PDLIM5: variants seen among roughly 807,000 people sequenced by gnomAD.
PDLIM5 encodes PDZ and LIM domain protein 5.
In PDLIM5, 34 loss-of-function variants were observed where a neutral mutation model predicts 64.2. The ratio of observed to expected loss-of-function variants is 0.53; its 90% CI spans 0.40 to 0.71. The LOEUF is 0.71. PDLIM5 is among the 30% of genes least tolerant of loss of function. The pLI is 0.00. For missense variants in PDLIM5, 683 were observed against 733.6 expected (o/e 0.93, Z 0.80); for synonymous variants, 253 against 269.1 (o/e 0.94, Z 0.59).
At chr4:94,550,605 A>G (rs1369345066) in intron 3 of PDLIM5, among the ~76,000 whole-genome samples, 5 of 152,132 alleles carry the variant, frequency 3.3e-5, no homozygotes, top group Non-Finnish European at 5.9e-5. Flanking sequence ...CACACCACAG[A>G]TTGACTTAAG....
intron 11 of PDLIM5, among the ~76,000 whole-genome samples, chr4:94,658,890 T>TTTTGTTTG (rs200941910): frequency 5.9e-5 from 9 of 152,072 alleles, no homozygotes; most frequent in African/African-American, 2.2e-4. Flanking sequence ...AAGGGCTGGG[T>TTTTGTTTG]TTTGTTTGTT....
At chr4:94,474,204 A>G (rs1210957486) in intron 2 of PDLIM5, among the ~76,000 whole-genome samples, 1 of 152,158 alleles carries the variant, frequency 6.6e-6, no homozygotes. Context: ...CTTTGGTGTC[A>G]TTCAGTGGAT....
chr4:94,556,080 G>A lies in PDLIM5; in HGVS notation c.249-17271G>A, dbSNP rs1245668408. 1.1e-4 allele frequency among the ~76,000 whole-genome samples: 8 copies of A among 73,912 alleles called. No homozygotes were observed. In the South Asian group the frequency reaches 1.9e-3, roughly 18 times the overall value. The allele number at this position is 73,912 out of a possible 152,430, so 48.5% of individuals were successfully genotyped here. ...CTCCCCCCACCCCACAACAGGCCCC[G>A]GTGTGTGATGTTCCCCTTCCTGTGT... On this transcript the variant is annotated intron_variant, in intron 3 of 12. Transcript: ENST00000317968.
intron 7 of PDLIM5, among the ~76,000 whole-genome samples, chr4:94,589,732 C>CTTTCTTTTCTTTTCT (rs61103869): frequency 1.3e-5 from 2 of 148,544 alleles, no homozygotes; most frequent in Non-Finnish European, 1.5e-5. Flanking sequence ...CTCTTTCTTT[C>CTTTCTTTTCTTTTCT]TTTCTTTTCT....
intron 2 of PDLIM5, among the ~76,000 whole-genome samples, chr4:94,474,909 A>G (rs1202567651): frequency 6.6e-6 from 1 of 152,182 alleles, no homozygotes; most frequent in East Asian, 1.9e-4. Flanking sequence ...GCCTTGGCCT[A>G]GCAAAGCGCT....
At chr4:94,505,670 C>T (rs1325184276) in intron 2 of PDLIM5, among the ~76,000 whole-genome samples, 1 of 152,208 alleles carries the variant, frequency 6.6e-6, no homozygotes, top group African/African-American at 2.4e-5. Context: ...CAGGGAAACA[C>T]TTTACTTACA....
Position 94,665,517 on chromosome 4 carries a change from G to GA in PDLIM5, c.*1452dup. 1.4e-6 allele frequency: 1 copy of GA among 696,788 alleles called. No individual in the cohort carries two copies. The highest frequency in any genetic ancestry group is 1.7e-6 in the Non-Finnish European group (1 of 584,412). The allele number at this position is 696,788 out of a possible 1,614,324, so 43.2% of individuals were successfully genotyped here. ...AAAAAAAAAAAAAAAGAGAGAGAGA[G>GA]AATAAATAGAAAAGAATGTGGCTGG... On this transcript the variant is annotated 3_prime_UTR_variant, in exon 13 of 13. Transcript: ENST00000317968.
At chr4:94,511,924 C>A (rs930730987) in intron 2 of PDLIM5, among the ~76,000 whole-genome samples, 4 of 152,216 alleles carry the variant, frequency 2.6e-5, no homozygotes, top group Non-Finnish European at 5.9e-5. Context: ...GTGAACACTG[C>A]TGCAACAAAC....
intron 2 of PDLIM5, among the ~76,000 whole-genome samples, chr4:94,507,084 T>C (rs2110095351): frequency 6.6e-6 from 1 of 152,266 alleles, no homozygotes; most frequent in African/African-American, 2.4e-5. Context: ...GGCTGCACTG[T>C]AGGCGTCTCT....
intron 10 of PDLIM5, among the ~76,000 whole-genome samples, chr4:94,655,725 A>G (rs1187667276): frequency 6.6e-6 from 1 of 152,236 alleles, no homozygotes; most frequent in Non-Finnish European, 1.5e-5. Context: ...TGTTAGAATA[A>G]CAAAACAAAG....
At chr4:94,466,703 C>G (rs1201647047) in intron 2 of PDLIM5, among the ~76,000 whole-genome samples, 3 of 152,170 alleles carry the variant, frequency 2.0e-5, no homozygotes, top group Non-Finnish European at 4.4e-5. Context: ...TAACTGCCAG[C>G]CTCTTCCTGA....
At chr4:94,644,493 A>G (rs1480431443) in intron 9 of PDLIM5, among the ~76,000 whole-genome samples, 1 of 152,022 alleles carries the variant, frequency 6.6e-6, no homozygotes, top group Admixed American at 6.6e-5. Flanking sequence ...AAAAATAGCT[A>G]CTATATATTG....
At chr4:94,627,017 G>C (rs898494793) in intron 8 of PDLIM5, among the ~76,000 whole-genome samples, 1 of 152,128 alleles carries the variant, frequency 6.6e-6, no homozygotes, top group Non-Finnish European at 1.5e-5. Context: ...AATTTGCCTA[G>C]CTAAGATGGA....
chr4:94,459,699 A>G (rs185506057), intron 2 of PDLIM5, among the ~76,000 whole-genome samples: 151 of 152,342 alleles, frequency 9.9e-4, no homozygotes, highest in Non-Finnish European at 1.7e-3. Context: ...CTATGAAATG[A>G]CAGATTCTGA....
chr4:94,616,677 T>C (rs1431244436), intron 7 of PDLIM5, among the ~76,000 whole-genome samples: 6 of 152,242 alleles, frequency 3.9e-5, no homozygotes, highest in African/African-American at 1.4e-4. Flanking sequence ...TTTTTTATTG[T>C]ATAGCGTGTT....
rs1284034458 is a variant in PDLIM5 at position 94,667,067 on chromosome 4, ACTT to A, written c.*3005_*3007del. On this transcript the variant is annotated 3_prime_UTR_variant, in exon 13 of 13. Transcript: ENST00000317968. ...ATATTAGTAGCATTTTTTAATTATT[ACTT>A]CTTCACTATAGAGCATTTACTTTTA... 6.6e-6 allele frequency: 1 copy of A among 152,092 alleles called. No homozygotes were observed. Among genetic ancestry groups the A allele is most frequent in the Admixed American group, 6.6e-5 (1 of 15,258 alleles). 9.4% of individuals were successfully genotyped at this position (152,092 alleles called of 1,614,324 possible). A position where few individuals can be genotyped will look rare whatever the true frequency, so the allele number is the denominator to read the frequency against.
intron 3 of PDLIM5, among the ~76,000 whole-genome samples, chr4:94,533,085 A>G (rs1303431413): frequency 6.6e-6 from 1 of 152,218 alleles, no homozygotes; most frequent in Non-Finnish European, 1.5e-5. Flanking sequence ...CAACAAATCA[A>G]TCAGCAGACA....
rs779713228 is a variant in PDLIM5, at chr4:94,618,011, C to A, written c.928C>A (p.Gln310Lys). Residue 310 changes from glutamine to lysine, a missense_variant, in exon 8 of 13, where the codon CAG becomes AAG. Physicochemically the swap from Gln to Lys is moderately conservative, Grantham distance 53. Coordinates refer to ENST00000317968, the MANE Select transcript of PDLIM5 (RefSeq NM_006457.5). The stretch of plus-strand genomic sequence containing the variant: ...TCTTTATTTCCTTTACAGTAACTCT[C>A]AGGAGCCTTCTCCGCAGTTGGCTTC... ...ADNTKKANNS[Q>K]EPSPQLASSV... The A allele has an allele frequency of 6.4e-7, 1 of 1,563,628 alleles. No individual in the cohort carries two copies.
chr4:94,643,935 A>T (rs758542545), intron 9 of PDLIM5, among the ~76,000 whole-genome samples: 1 of 152,180 alleles, frequency 6.6e-6, no homozygotes, highest in Non-Finnish European at 1.5e-5. Flanking sequence ...CCACTAATTA[A>T]GATTTTACTT....
Sources: allele counts gnomAD v4.1 joint callset (sites outside exome capture counted in the v4.1 genomes callset), GRCh38; gene constraint gnomAD v4.1.1; transcripts MANE v1.5; gene names NCBI Gene and HGNC (gene_info 2026-07-23, HGNC 2026-07-21).